The following DCDC1 variants were observed in gnomAD, a reference collection of about 807,000 sequenced individuals.
DCDC1 encodes doublecortin domain-containing protein 1.
Under a neutral mutation model 178.3 loss-of-function variants are expected in DCDC1, and 200 were observed. That is an observed-to-expected ratio of 1.12 (90% CI 1.00 to 1.26). DCDC1 has a LOEUF of 1.26. Ranked by LOEUF, DCDC1 falls within the 50% of genes most tolerant of loss-of-function variation. The pLI, the probability that DCDC1 is intolerant of heterozygous loss-of-function variation, is 0.00. For missense variants in DCDC1, 1,983 were observed against 1,749.2 expected (o/e 1.13, Z -2.38); for synonymous variants, 690 against 604.8 (o/e 1.14, Z -2.07).
Position 30,900,505 on chromosome 11 carries a change from G to C in DCDC1, c.4511-7C>G. On this transcript the variant is annotated splice_region_variant and splice_polypyrimidine_tract_variant and intron_variant, in intron 32 of 38. Transcript: ENST00000684477. ...ACTTTCATTCTTGGATTTTCTGGTG[G>C]AAAAAATGACACATTTATCATTGTT... is the stretch of plus-strand genomic sequence containing the variant. The C allele has an allele frequency of 6.6e-7, 1 of 1,517,350 alleles. No homozygotes were observed. The highest frequency in any genetic ancestry group is 8.9e-7 in the Non-Finnish European group (1 of 1,128,578). The allele number at this position is 1,517,350 out of a possible 1,614,324, so 94.0% of individuals were successfully genotyped here.
At chr11:31,298,892 T>G (rs763360360) in intron 6 of DCDC1, among the ~76,000 whole-genome samples, 4 of 152,182 alleles carry the variant, frequency 2.6e-5, no homozygotes, top group Non-Finnish European at 4.4e-5. Flanking sequence ...TTAAAAAAAT[T>G]TGTTCTCTGG....
chr11:31,153,960 C>T (rs1313733181), intron 9 of DCDC1, among the ~76,000 whole-genome samples: 2 of 152,064 alleles, frequency 1.3e-5, no homozygotes, highest in East Asian at 1.9e-4. Flanking sequence ...CACCCAAATC[C>T]CATGTTGAAT....
chr11:31,054,179 G>A (rs1218722473), intron 20 of DCDC1, among the ~76,000 whole-genome samples: 2 of 150,242 alleles, frequency 1.3e-5, no homozygotes, highest in Non-Finnish European at 3.0e-5. Flanking sequence ...CACACCAACA[G>A]TGACCAAGCA....
chr11:31,038,271 C>T (rs1412641672), intron 20 of DCDC1, among the ~76,000 whole-genome samples: 1 of 151,916 alleles, frequency 6.6e-6, no homozygotes, highest in Non-Finnish European at 1.5e-5. Context: ...AATTTAAGTG[C>T]ACATATCAGA....
At chr11:31,222,890 A>G (rs879686664) in intron 9 of DCDC1, among the ~76,000 whole-genome samples, 1 of 152,184 alleles carries the variant, frequency 6.6e-6, no homozygotes, top group Non-Finnish European at 1.5e-5. Flanking sequence ...TTCAATATAT[A>G]AATTTCGGGA....
intron 7 of DCDC1, among the ~76,000 whole-genome samples, chr11:31,275,671 A>AT (rs1945933084): frequency 6.6e-6 from 1 of 151,868 alleles, no homozygotes; most frequent in African/African-American, 2.4e-5. Flanking sequence ...CGCCTGGCTA[A>AT]TTTTGTATTT....
chr11:31,060,183 G>C (rs1383106893), intron 20 of DCDC1, among the ~76,000 whole-genome samples: 4 of 152,128 alleles, frequency 2.6e-5, no homozygotes, highest in African/African-American at 9.6e-5. Context: ...AATAAATTGA[G>C]AACCAAACGC....
chr11:31,294,854 GAA>G (rs1565567353), intron 6 of DCDC1, among the ~76,000 whole-genome samples: 27 of 121,396 alleles, frequency 2.2e-4, no homozygotes, highest in Middle Eastern at 4.8e-3. Context: ...AAGAAAGAAA[GAA>G]AGAAAGAAAG....
chr11:30,957,217 T>A (rs1172552181), intron 20 of DCDC1, among the ~76,000 whole-genome samples: 1 of 152,148 alleles, frequency 6.6e-6, no homozygotes, highest in Admixed American at 6.5e-5. Flanking sequence ...TCATTCCATA[T>A]GCATAATGTC....
intron 4 of DCDC1, 104 bp downstream of exon 4, chr11:31,307,535 T>C: frequency 6.9e-7 from 1 of 1,445,394 alleles, no homozygotes; most frequent in Non-Finnish European, 9.3e-7. Flanking sequence ...GAGAGATGTG[T>C]TACATTTTAA....
intron 9 of DCDC1, among the ~76,000 whole-genome samples, chr11:31,183,748 C>T (rs1969131317): frequency 6.6e-6 from 1 of 152,136 alleles, no homozygotes; most frequent in African/African-American, 2.4e-5. Flanking sequence ...TCAAGGAGAA[C>T]TACAAACCAC....
chr11:30,908,508 T>A (rs1945230831), intron 29 of DCDC1, among the ~76,000 whole-genome samples: 1 of 152,120 alleles, frequency 6.6e-6, no homozygotes, highest in African/African-American at 2.4e-5. Flanking sequence ...TTATTGTTAA[T>A]CTTGTTAGCT....
intron 9 of DCDC1, among the ~76,000 whole-genome samples, chr11:31,224,964 C>G (rs915742396): frequency 6.6e-6 from 1 of 152,142 alleles, no homozygotes; most frequent in African/African-American, 2.4e-5. Flanking sequence ...TCTTAAAGAA[C>G]TGAAAGTATA....
At chr11:31,257,821 A>G (rs1055889743) in intron 8 of DCDC1, among the ~76,000 whole-genome samples, 1 of 152,140 alleles carries the variant, frequency 6.6e-6, no homozygotes, top group African/African-American at 2.4e-5. Flanking sequence ...TTCTTATAAA[A>G]GGGTAAAATA....
chr11:31,239,596 C>T (rs1440032841), intron 9 of DCDC1, among the ~76,000 whole-genome samples: 2 of 151,762 alleles, frequency 1.3e-5, no homozygotes. Flanking sequence ...CATATTAAAA[C>T]TGCTGAATGT....
chr11:31,266,862 A>G (rs1232258720), intron 7 of DCDC1, among the ~76,000 whole-genome samples: 3 of 152,210 alleles, frequency 2.0e-5, no homozygotes, highest in African/African-American at 7.2e-5. Flanking sequence ...CAGCTTTCAA[A>G]CATTGTGACT....
chr11:31,004,124 T>C (rs1951714585), intron 20 of DCDC1, among the ~76,000 whole-genome samples: 1 of 152,192 alleles, frequency 6.6e-6, no homozygotes, highest in Non-Finnish European at 1.5e-5. Flanking sequence ...AAAATGTTTT[T>C]TCCCAAATTA....
chr11:31,101,590 C>T (rs1164037514), intron 15 of DCDC1, among the ~76,000 whole-genome samples: 1 of 152,008 alleles, frequency 6.6e-6, no homozygotes, highest in African/African-American at 2.4e-5. Context: ...ATTAACAGTA[C>T]AAAGAAAATA....
chr11:31,250,415 C>CACACATATAT (rs1223526182), intron 8 of DCDC1, among the ~76,000 whole-genome samples: 1 of 73,670 alleles, frequency 1.4e-5, no homozygotes, highest in African/African-American at 5.2e-5. Context: ...CACACACACA[C>CACACATATAT]ATATACATAT....
Sources: allele counts gnomAD v4.1 joint callset (sites outside exome capture counted in the v4.1 genomes callset), GRCh38; gene constraint gnomAD v4.1.1; transcripts MANE v1.5; gene names NCBI Gene and HGNC (gene_info 2026-07-23, HGNC 2026-07-21).